Variants in CENATAC observed in about 807,000 individuals in gnomAD.
CENATAC encodes the protein centrosomal AT-AC splicing factor.
In CENATAC, 53 loss-of-function variants were observed where a neutral mutation model predicts 53.7. The observed-to-expected ratio is 0.99, with a 90% CI of 0.79 to 1.24. CENATAC has a LOEUF of 1.24. Among genes scored for constraint, CENATAC ranks in the 50% most tolerant of loss-of-function variants. CENATAC has a pLI of 0.00. For synonymous variants in CENATAC, 156 were observed against 144.6 expected (o/e 1.08, Z -0.57); for missense variants, 474 against 417.8 (o/e 1.13, Z -1.17).
rs1455099968 is a variant in CENATAC, at chr11:118,998,415, G to C, written c.121-15G>C. Reference sequence around the variant, plus strand: ...GGGGTCCCCCTCGGGGTTCTACTTGGCCTCTCTGCGGCAGGTGGAGGCGGC... The same window carrying C: ...GGGGTCCCCCTCGGGGTTCTACTTGCCCTCTCTGCGGCAGGTGGAGGCGGC... On this transcript the variant is annotated splice_polypyrimidine_tract_variant and intron_variant, in intron 1 of 10. Coordinates refer to ENST00000334418, the MANE Select transcript of CENATAC (RefSeq NM_198489.3). 2.5e-6 allele frequency: 4 copies of C among 1,612,756 alleles called. No homozygotes were observed. In the Admixed American group the frequency reaches 6.7e-5, roughly 27 times the overall value.
chr11:119,014,896 T>C, intron 8 of CENATAC, 98 bp from the exon 9 acceptor site: 1 of 788,436 alleles, frequency 1.3e-6, no homozygotes, highest in Non-Finnish European at 2.0e-6. Flanking sequence ...TAGACATTTC[T>C]AGCTCTTAAT....
intron 9 of CENATAC, 57 bp from the exon 10 acceptor site, chr11:119,015,250 A>AC: frequency 1.3e-6 from 2 of 1,529,902 alleles, no homozygotes; most frequent in Non-Finnish European, 1.8e-6. Context: ...ACATAGTGAG[A>AC]CCCCATCTCT....
Position 118,998,166 on chromosome 11 carries a change from C to T in CENATAC, c.-32C>T, listed in dbSNP as rs782731595. 4 of 1,563,756 alleles carry T rather than the reference C, an allele frequency of 2.6e-6. No homozygotes were observed. The highest frequency in any genetic ancestry group is 2.4e-5 in the East Asian group (1 of 42,038). The stretch of plus-strand genomic sequence containing the variant: ...GGCCGCCGGATGGCGTAGGATCGGC[C>T]GCTGGTGGTGGTGATACCGGGTACC... On this transcript the variant is annotated 5_prime_UTR_variant, in exon 1 of 11. Coordinates refer to ENST00000334418, the MANE Select transcript of CENATAC (RefSeq NM_198489.3).
In CENATAC at chr11:119,011,337, A is replaced by G. The variant is rs370442775; in HGVS notation, c.513+54A>G. ...GTATCCAAATCCACTGATCCCTGGC[A>G]TTCCCAGGTCCAGCATTTCATGGAC... On this transcript the variant is annotated intron_variant, in intron 5 of 10. Coordinates refer to ENST00000334418, the MANE Select transcript of CENATAC (RefSeq NM_198489.3). 6.5e-6 allele frequency: 10 copies of G among 1,539,948 alleles called. No homozygotes were observed. In the African/African-American group the frequency reaches 1.4e-4, roughly 21 times the overall value.
intron 3 of CENATAC, among the ~76,000 whole-genome samples, chr11:119,008,176 A>C (rs1942693875): frequency 6.7e-6 from 1 of 148,420 alleles, no homozygotes; most frequent in Non-Finnish European, 1.5e-5. Flanking sequence ...AAAAGAAATA[A>C]GACACAGAGA....
In CENATAC at chr11:119,013,277, A is replaced by G; in HGVS notation, c.715+15A>G. The G allele has an allele frequency of 6.3e-7, 1 of 1,587,858 alleles. No individual in the cohort carries two copies. The highest frequency in any genetic ancestry group is 1.2e-5 in the South Asian group (1 of 86,540). On this transcript the variant is annotated intron_variant, in intron 8 of 10. Transcript: ENST00000334418. ...CATCCACTCAGGTAAGGTCCAGGGC[A>G]GTGTTTTTAAAACCCTGGGAGATTT...
intron 3 of CENATAC, among the ~76,000 whole-genome samples, chr11:119,008,135 T>C (rs530617417): frequency 5.9e-4 from 90 of 152,276 alleles, no homozygotes; most frequent in African/African-American, 2.1e-3. Context: ...CACCTGTGGG[T>C]ATTTCTAGTC....
At chr11:119,002,967 GT>G (rs1036530117) in intron 3 of CENATAC, 3 of 450,480 alleles carry the variant, frequency 6.7e-6, no homozygotes, top group African/African-American at 2.0e-5. Context: ...TTTTTTAATG[GT>G]GAAAAGATAT....
chr11:119,008,511 G>A (rs1023601298), intron 3 of CENATAC, among the ~76,000 whole-genome samples: 2 of 152,012 alleles, frequency 1.3e-5, no homozygotes, highest in African/African-American at 4.8e-5. Flanking sequence ...AACATGTCTC[G>A]CCTCCCGCCA....
intron 4 of CENATAC, 144 bp downstream of exon 4, chr11:119,010,974 A>G: frequency 1.4e-6 from 1 of 735,408 alleles, no homozygotes. Context: ...AGATTCTCAT[A>G]AGGAGCACGC....
chr11:119,015,603 GCT>G lies in CENATAC; in HGVS notation c.*10_*11del, dbSNP rs782609881. On this transcript the variant is annotated 3_prime_UTR_variant, in exon 11 of 11. Transcript: ENST00000334418. Reference sequence around the variant, plus strand: ...TCACATACAGAAAAAAGCTAATCATGCTCTCTACCAACTACCATGAGGCTAAA... The same window carrying G: ...TCACATACAGAAAAAAGCTAATCATGCTCTACCAACTACCATGAGGCTAAA... 3.7e-6 allele frequency: 6 copies of G among 1,613,768 alleles called. No individual in the cohort carries two copies. The Admixed American group carries it at 6.7e-5, about 18-fold the overall frequency.
At position 119,003,613 on chromosome 11, in the gene CENATAC, TTC is replaced by T. The variant is rs201447632; in HGVS notation, c.383+4512_383+4513del. 2.9e-4 allele frequency: 40 copies of T among 137,700 alleles called. No individual in the cohort carries two copies. The South Asian group carries it at 4.0e-3, about 14-fold the overall frequency. 8.5% of individuals were successfully genotyped at this position (137,700 alleles called of 1,614,324 possible). A position where few individuals can be genotyped will look rare whatever the true frequency, so the allele number is the denominator to read the frequency against. Reference sequence around the variant, plus strand: ...GCACCCGGCCAATAATTAGAAATATTTCTCTCTCTTTTTTTTTTTTTTTTTTG... The same window carrying T: ...GCACCCGGCCAATAATTAGAAATATTTCTCTCTTTTTTTTTTTTTTTTTTG... On this transcript the variant is annotated intron_variant, in intron 3 of 10. Coordinates refer to ENST00000334418, the MANE Select transcript of CENATAC (RefSeq NM_198489.3).
At chr11:118,999,314 A>G (rs966609579) in intron 3 of CENATAC, 1 of 519,998 alleles carries the variant, frequency 1.9e-6, no homozygotes, top group Non-Finnish European at 3.5e-6. Context: ...GATTTAGCAA[A>G]TAGAGAACAA....
Position 119,015,722 on chromosome 11 carries a change from TAA to T in CENATAC, c.*126_*127del, listed in dbSNP as rs1203315925. The T allele has an allele frequency of 3.9e-6, 5 of 1,293,172 alleles. No individual in the cohort carries two copies. The highest frequency in any genetic ancestry group is 1.9e-4 in the Middle Eastern group (1 of 5,268). 80.1% of individuals were successfully genotyped at this position (1,293,172 alleles called of 1,614,324 possible). On this transcript the variant is annotated 3_prime_UTR_variant, in exon 11 of 11. Coordinates refer to ENST00000334418, the MANE Select transcript of CENATAC (RefSeq NM_198489.3). ...AGACATACTCATTCATTTGATTTAATAAAGTTTTATTTTTCCAAATGTACAGC... is the reference window on the plus strand; with the variant it reads ...AGACATACTCATTCATTTGATTTAATAGTTTTATTTTTCCAAATGTACAGC...
intron 2 of CENATAC, 146 bp downstream of exon 2, chr11:118,998,739 G>A: frequency 1.7e-6 from 2 of 1,167,456 alleles, no homozygotes; most frequent in South Asian, 1.6e-5. Flanking sequence ...AGCCTTGTTA[G>A]GGTAGGGGTC....
intron 6 of CENATAC, 62 bp from the exon 7 acceptor site, chr11:119,012,085 ATC>A (rs1942894419): frequency 6.2e-7 from 1 of 1,613,830 alleles, no homozygotes; most frequent in Admixed American, 1.7e-5. Context: ...ATGGAAACAG[ATC>A]TAATCTTTAC....
At chr11:119,001,221 T>TA (rs1245069932) in intron 3 of CENATAC, among the ~76,000 whole-genome samples, 2 of 152,204 alleles carry the variant, frequency 1.3e-5, no homozygotes, top group East Asian at 3.8e-4. Flanking sequence ...TTTAAGCAGA[T>TA]ACAACACTTG....
Position 118,998,613 on chromosome 11 carries a change from C to T in CENATAC, c.284+20C>T, listed in dbSNP as rs1409490225. The T allele has an allele frequency of 3.9e-6, 6 of 1,552,972 alleles. No individual in the cohort carries two copies. In the African/African-American group the frequency reaches 4.1e-5, roughly 11 times the overall value. On this transcript the variant is annotated intron_variant, in intron 2 of 10. Transcript: ENST00000334418. ...GGCCAGGTGAGAGCCGAGCTAGGAG[C>T]CTGCTCCAGCACAGACGCATACATA...
rs1377797305 is a variant in CENATAC, at chr11:119,013,238, C to A, written c.691C>A (p.Pro231Thr). Residue 231 changes from proline (P) to threonine (T), a missense_variant, in exon 8 of 11, where the codon CCA becomes ACA. Coordinates refer to ENST00000334418, the MANE Select transcript of CENATAC (RefSeq NM_198489.3). Reference sequence around the variant, plus strand: ...TTCCCATTTCCAACTACAGGATATACCAGGAGTTGGTAACATCCACTCAGG... The same window carrying A: ...TTCCCATTTCCAACTACAGGATATAACAGGAGTTGGTAACATCCACTCAGG... ...SLTFIGHQDIPGVGNIHSGAT... is the reference protein window; with the variant it reads ...SLTFIGHQDITGVGNIHSGAT... The A allele has an allele frequency of 1.2e-6, 2 of 1,609,466 alleles. No homozygotes were observed. The highest frequency in any genetic ancestry group is 8.5e-7 in the Non-Finnish European group (1 of 1,177,744).
Sources: gnomAD v4.1 joint callset for allele counts (sites outside exome capture counted in the v4.1 genomes callset) on GRCh38, gnomAD v4.1.1 for gene constraint, MANE v1.5 for transcripts, NCBI Gene and HGNC (gene_info 2026-07-23, HGNC 2026-07-21) for gene names.